The following DPP10 variants were observed in gnomAD, a reference collection of about 807,000 sequenced individuals.
DPP10 encodes the protein dipeptidyl peptidase like 10.
Under a neutral mutation model 120.9 loss-of-function variants are expected in DPP10, and 33 were observed. That is an observed-to-expected ratio of 0.27 (90% confidence interval 0.21 to 0.37). The LOEUF (loss-of-function observed/expected upper bound fraction) is 0.37. Ranked by LOEUF, DPP10 falls within the 10% of genes least tolerant of loss-of-function variation. The pLI is 1.00. For missense variants in DPP10, 816 were observed against 942.8 expected (o/e 0.87, Z 1.76); for synonymous variants, 337 against 326.1 (o/e 1.03, Z -0.36).
intron 1 of DPP10, among the ~76,000 whole-genome samples, chr2:114,593,114 C>A (rs1160428194): frequency 6.6e-6 from 1 of 152,194 alleles, no homozygotes; most frequent in Non-Finnish European, 1.5e-5. Context: ...ACCCCAACTT[C>A]ATTCCCCAAA....
chr2:115,320,141 CAT>C (rs2061988967), intron 2 of DPP10, among the ~76,000 whole-genome samples: 2 of 152,078 alleles, frequency 1.3e-5, no homozygotes, highest in African/African-American at 4.8e-5. Flanking sequence ...CACTTCTTCT[CAT>C]AACAATTTTT....
intron 1 of DPP10, among the ~76,000 whole-genome samples, chr2:114,756,609 T>TA (rs1437128877): frequency 1.3e-5 from 2 of 152,194 alleles, no homozygotes; most frequent in African/African-American, 4.8e-5. Flanking sequence ...AGCACTGGGG[T>TA]CTAAACCCCA....
chr2:115,263,265 T>C (rs1016693626), intron 1 of DPP10, among the ~76,000 whole-genome samples: 1 of 152,220 alleles, frequency 6.6e-6, no homozygotes, highest in Admixed American at 6.5e-5. Flanking sequence ...ATTAATATCT[T>C]GTAACACATA....
intron 1 of DPP10, among the ~76,000 whole-genome samples, chr2:114,925,039 G>A (rs998353372): frequency 5.3e-5 from 8 of 151,886 alleles, no homozygotes; most frequent in East Asian, 1.9e-4. Context: ...GTGAAACCCC[G>A]TCTCTACTAA....
intron 1 of DPP10, among the ~76,000 whole-genome samples, chr2:114,944,711 C>A (rs1697219511): frequency 6.6e-6 from 1 of 152,162 alleles, no homozygotes; most frequent in Admixed American, 6.5e-5. Flanking sequence ...AGGCATTTTA[C>A]ATACACTATC....
intron 1 of DPP10, among the ~76,000 whole-genome samples, chr2:114,943,692 G>T (rs1308763474): frequency 6.6e-6 from 1 of 152,138 alleles, no homozygotes; most frequent in East Asian, 1.9e-4. Flanking sequence ...ATAGTAAAAT[G>T]ATTTATAATC....
chr2:114,911,927 A>G (rs912539266), intron 1 of DPP10, among the ~76,000 whole-genome samples: 3 of 152,194 alleles, frequency 2.0e-5, no homozygotes, highest in East Asian at 1.9e-4. Context: ...GAGGTTGTGA[A>G]GGCTTTGACG....
chr2:114,500,878 G>A (rs1163781480), intron 1 of DPP10, among the ~76,000 whole-genome samples: 2 of 152,182 alleles, frequency 1.3e-5, no homozygotes, highest in Non-Finnish European at 2.9e-5. Flanking sequence ...GTTCTCCATG[G>A]GAGACTGTCA....
At chr2:114,574,996 G>A (rs1017435435) in intron 1 of DPP10, among the ~76,000 whole-genome samples, 1 of 152,148 alleles carries the variant, frequency 6.6e-6, no homozygotes, top group Non-Finnish European at 1.5e-5. Context: ...ACTCCTCAAA[G>A]CCCAACTAAA....
chr2:115,391,001 A>G (rs2067280554), intron 3 of DPP10, among the ~76,000 whole-genome samples: 1 of 152,156 alleles, frequency 6.6e-6, no homozygotes, highest in African/African-American at 2.4e-5. Context: ...GTATTGGTGT[A>G]TGGAGACTAT....
intron 21 of DPP10, among the ~76,000 whole-genome samples, chr2:115,829,245 T>C (rs1688677778): frequency 6.6e-6 from 1 of 152,138 alleles, no homozygotes; most frequent in African/African-American, 2.4e-5. Flanking sequence ...AGAATTTACT[T>C]ATATAGTTTC....
At chr2:115,325,218 T>A (rs956461832) in intron 2 of DPP10, among the ~76,000 whole-genome samples, 18 of 152,242 alleles carry the variant, frequency 1.2e-4, no homozygotes, top group African/African-American at 4.1e-4. Flanking sequence ...AAAAACAATG[T>A]CTGCAAAGTG....
In DPP10 at chr2:115,617,289, T is replaced by TATATATACAC. The variant is rs67359999; in HGVS notation, c.442-72397_442-72396insTATATACACA. ...TATATTTTTTATATATATATATATA[T>TATATATACAC]ACACACATAGCATATATGTATATGC... On this transcript the variant is annotated intron_variant, in intron 5 of 25. Coordinates refer to ENST00000410059, the MANE Select transcript of DPP10 (RefSeq NM_020868.6). 5.9e-3 allele frequency among the ~76,000 whole-genome samples: 806 copies of TATATATACAC among 136,510 alleles called. 6 individuals carry two copies. The highest frequency in any genetic ancestry group is 9.2e-3 in the Non-Finnish European group (588 of 64,108). 89.6% of individuals were successfully genotyped at this position (136,510 alleles called of 152,430 possible). A position where few individuals can be genotyped will look rare whatever the true frequency, so the allele number is the denominator to read the frequency against.
chr2:114,502,507 AAG>A (rs1683286619), intron 1 of DPP10, among the ~76,000 whole-genome samples: 1 of 152,246 alleles, frequency 6.6e-6, no homozygotes, highest in South Asian at 2.1e-4. Flanking sequence ...GGCAAAGCTT[AAG>A]AGATTCCAAA....
At chr2:114,514,393 A>C (rs1684420059) in intron 1 of DPP10, among the ~76,000 whole-genome samples, 1 of 152,172 alleles carries the variant, frequency 6.6e-6, no homozygotes, top group Non-Finnish European at 1.5e-5. Context: ...ATGCTTTGGC[A>C]CTCTACAATC....
intron 1 of DPP10, among the ~76,000 whole-genome samples, chr2:115,224,566 T>C (rs2057340705): frequency 6.6e-6 from 1 of 152,052 alleles, no homozygotes; most frequent in Admixed American, 6.6e-5. Flanking sequence ...GGACATAAAA[T>C]TTCAGTTAGA....
intron 1 of DPP10, among the ~76,000 whole-genome samples, chr2:114,748,523 A>T (rs1678861781): frequency 7.4e-6 from 1 of 134,706 alleles, no homozygotes; most frequent in Admixed American, 7.6e-5. Flanking sequence ...ATCTAGCATT[A>T]GGTATATCTC....
intron 1 of DPP10, among the ~76,000 whole-genome samples, chr2:114,900,119 C>A (rs1306664576): frequency 6.6e-6 from 1 of 152,202 alleles, no homozygotes; most frequent in East Asian, 1.9e-4. Flanking sequence ...GGGACTATTA[C>A]AATTGTGATG....
intron 1 of DPP10, among the ~76,000 whole-genome samples, chr2:115,054,651 G>T (rs773680774): frequency 5.9e-5 from 9 of 152,176 alleles, no homozygotes; most frequent in African/African-American, 2.2e-4. Flanking sequence ...GACGGCTCAT[G>T]CCTAGAATCC....
Sources: gnomAD v4.1 joint callset for allele counts (sites outside exome capture counted in the v4.1 genomes callset) on GRCh38, gnomAD v4.1.1 for gene constraint, MANE v1.5 for transcripts, NCBI Gene and HGNC (gene_info 2026-07-23, HGNC 2026-07-21) for gene names.